Variants in SLIT3 observed in about 807,000 individuals in gnomAD.
SLIT3 encodes slit homolog 3 protein.
A neutral mutation model predicts 184.0 loss-of-function variants in SLIT3; 68 were observed. The ratio of observed to expected loss-of-function variants is 0.37; its 90% CI spans 0.30 to 0.45. The LOEUF is 0.45. SLIT3 is among the 20% of genes least tolerant of loss of function. The pLI, the probability that SLIT3 is intolerant of heterozygous loss-of-function variation, is 1.00. For missense variants in SLIT3, 1,707 were observed against 2,026.0 expected, an observed-to-expected ratio of 0.84 and a Z score of 3.02; for synonymous variants, 831 against 828.6, an observed-to-expected ratio of 1.00 and a Z score of -0.05.
At chr5:168,801,205 G>A (rs1756755119) in intron 9 of SLIT3, among the ~76,000 whole-genome samples, 1 of 152,140 alleles carries the variant, frequency 6.6e-6, no homozygotes, top group South Asian at 2.1e-4. Context: ...CCATGTGACA[G>A]TCCCTTACAT....
intron 26 of SLIT3, among the ~76,000 whole-genome samples, chr5:168,704,153 G>A (rs1289105597): frequency 6.6e-6 from 1 of 151,784 alleles, no homozygotes; most frequent in African/African-American, 2.4e-5. Flanking sequence ...ACTAGAACTT[G>A]CATTTTAATA....
chr5:169,271,333 T>C (rs988306361), intron 1 of SLIT3, among the ~76,000 whole-genome samples: 2 of 152,176 alleles, frequency 1.3e-5, no homozygotes, highest in African/African-American at 4.8e-5. Context: ...TCACGGCCCC[T>C]TCTCAGTCAT....
At chr5:168,803,501 C>T (rs1454402236) in intron 9 of SLIT3, among the ~76,000 whole-genome samples, 1 of 152,200 alleles carries the variant, frequency 6.6e-6, no homozygotes, top group Non-Finnish European at 1.5e-5. Context: ...GCACAGAGCC[C>T]ACCTCTGATG....
chr5:168,910,129 C>G (rs969817074), intron 4 of SLIT3, among the ~76,000 whole-genome samples: 2 of 152,178 alleles, frequency 1.3e-5, no homozygotes, highest in Admixed American at 1.3e-4. Flanking sequence ...TGTCTTCTCC[C>G]CTTGATGATG....
intron 4 of SLIT3, among the ~76,000 whole-genome samples, chr5:169,189,476 C>T (rs1350675951): frequency 1.4e-5 from 2 of 139,334 alleles, no homozygotes; most frequent in Admixed American, 7.4e-5. Context: ...ATGGTTAAGT[C>T]TAAGCATTGA....
At chr5:169,089,008 A>G (rs1418258210) in intron 4 of SLIT3, among the ~76,000 whole-genome samples, 2 of 133,034 alleles carry the variant, frequency 1.5e-5, no homozygotes, top group African/African-American at 5.9e-5. Flanking sequence ...AGACAGAGCA[A>G]GACTCCATCT....
Position 168,868,766 on chromosome 5 carries a change from AG to A in SLIT3, c.485+14498del, listed in dbSNP as rs370120799. Reference sequence around the variant, plus strand: ...CTGCCTCAAAAAAAAAAAAAAAAAAAGAAAAAGAAAAAGAAAAAGAAAGGCA... The same window carrying A: ...CTGCCTCAAAAAAAAAAAAAAAAAAAAAAAAGAAAAAGAAAAAGAAAGGCA... On this transcript the variant is annotated intron_variant, in intron 5 of 35. Coordinates refer to ENST00000519560, the MANE Select transcript of SLIT3 (RefSeq NM_003062.4). 3.6e-3 allele frequency among the ~76,000 whole-genome samples: 371 copies of A among 104,194 alleles called. 3 individuals carry two copies. The highest frequency in any genetic ancestry group is 0.018 in the African/African-American group (342 of 18,712). 68.4% of individuals were successfully genotyped at this position (104,194 alleles called of 152,430 possible). A position where few individuals can be genotyped will look rare whatever the true frequency, so the allele number is the denominator to read the frequency against.
intron 5 of SLIT3, among the ~76,000 whole-genome samples, chr5:168,864,590 T>C (rs113120965): frequency 2.7e-4 from 41 of 152,342 alleles, no homozygotes; most frequent in Middle Eastern, 6.8e-3. Context: ...TTATACCAAT[T>C]GGCATTCCCA....
At chr5:168,883,768 C>T (rs1179433725) in intron 4 of SLIT3, among the ~76,000 whole-genome samples, 1 of 151,540 alleles carries the variant, frequency 6.6e-6, no homozygotes, top group Admixed American at 6.6e-5. Flanking sequence ...CTCTGCTGCT[C>T]AGGACAATCT....
chr5:169,296,966 G>T (rs1435849369), intron 1 of SLIT3, among the ~76,000 whole-genome samples: 2 of 152,226 alleles, frequency 1.3e-5, no homozygotes, highest in Non-Finnish European at 2.9e-5. Context: ...GGCCCCGTGT[G>T]AGAGTTCATT....
intron 7 of SLIT3, among the ~76,000 whole-genome samples, chr5:168,820,026 T>A (rs1353264386): frequency 2.0e-5 from 3 of 152,186 alleles, no homozygotes; most frequent in African/African-American, 7.2e-5. Context: ...GGTAGATTCT[T>A]GCCTTTCACA....
chr5:168,848,561 G>A (rs906350844), intron 5 of SLIT3, among the ~76,000 whole-genome samples: 1 of 152,094 alleles, frequency 6.6e-6, no homozygotes, highest in African/African-American at 2.4e-5. Flanking sequence ...GCCCCAAAAT[G>A]TTTCATGATA....
At chr5:168,754,747 T>C (rs957043830) in intron 16 of SLIT3, among the ~76,000 whole-genome samples, 4 of 152,252 alleles carry the variant, frequency 2.6e-5, no homozygotes, top group African/African-American at 9.6e-5. Context: ...TAAATATGTA[T>C]AATTGTTATG....
In SLIT3 at chr5:168,898,727, A is replaced by G. The variant is rs116160303; in HGVS notation, c.414-15391T>C. 7.1e-3 allele frequency among the ~76,000 whole-genome samples: 1,088 copies of G among 152,308 alleles called. 13 individuals are homozygous for G. The highest frequency in any genetic ancestry group is 0.025 in the African/African-American group (1,028 of 41,568). ...GAATGTATATAAAGTAATGGGGCCT[A>G]TAATGGCTTGGCTTTGTAAGAGTCT... On this transcript the variant is annotated intron_variant, in intron 4 of 35. Transcript: ENST00000519560.
intron 3 of SLIT3, among the ~76,000 whole-genome samples, chr5:169,213,458 G>A (rs1561743174): frequency 1.3e-5 from 2 of 152,160 alleles, no homozygotes; most frequent in East Asian, 3.8e-4. Context: ...CCAAAAAAGA[G>A]CCTGCATAGC....
intron 3 of SLIT3, among the ~76,000 whole-genome samples, chr5:169,231,676 C>T (rs1269248968): frequency 6.6e-6 from 1 of 152,076 alleles, no homozygotes; most frequent in Non-Finnish European, 1.5e-5. Flanking sequence ...ATGAACATTC[C>T]TGTGTATGTC....
At chr5:168,891,316 A>T (rs988121562) in intron 4 of SLIT3, among the ~76,000 whole-genome samples, 1 of 152,178 alleles carries the variant, frequency 6.6e-6, no homozygotes, top group Non-Finnish European at 1.5e-5. Context: ...TTTAATCTGT[A>T]TTTCAGAAAG....
intron 4 of SLIT3, among the ~76,000 whole-genome samples, chr5:168,907,979 T>TATAGAGAG (rs376418381): frequency 6.0e-5 from 3 of 50,086 alleles, no homozygotes; most frequent in South Asian, 7.6e-4. Context: ...TATATATATA[T>TATAGAGAG]AGAGAGAGAG....
At chr5:169,001,284 A>C (rs1288300104) in intron 4 of SLIT3, among the ~76,000 whole-genome samples, 3 of 152,320 alleles carry the variant, frequency 2.0e-5, no homozygotes. Flanking sequence ...ATCCTGAGAA[A>C]AATGAAAAGT....
Sources: allele counts gnomAD v4.1 joint callset (sites outside exome capture counted in the v4.1 genomes callset), GRCh38; gene constraint gnomAD v4.1.1; transcripts MANE v1.5; gene names NCBI Gene and HGNC (gene_info 2026-07-23, HGNC 2026-07-21).